Variants in SLCO4C1 observed in about 807,000 individuals in gnomAD.
SLCO4C1 encodes organic anion transporter M1.
In SLCO4C1, 58 loss-of-function variants were observed where a neutral mutation model predicts 72.1. The ratio of observed to expected loss-of-function variants is 0.80; its 90% CI spans 0.65 to 1.00. SLCO4C1 has a LOEUF of 1.00. Among genes scored for constraint, SLCO4C1 ranks in the 50% least tolerant of loss-of-function variants. The probability of loss-of-function intolerance (pLI) is 0.00; values close to 1 mark genes in which losing one functional copy is unlikely to be tolerated. For synonymous variants in SLCO4C1, 297 were observed against 312.5 expected (o/e 0.95, Z 0.52); for missense variants, 898 against 857.9 (o/e 1.05, Z -0.58).
intron 2 of SLCO4C1, among the ~76,000 whole-genome samples, chr5:102,284,550 T>C (rs767896769): frequency 2.0e-5 from 3 of 151,966 alleles, no homozygotes; most frequent in Non-Finnish European, 4.4e-5. Context: ...TCATCAACTC[T>C]ACATATCATA....
At chr5:102,258,218 C>A in intron 6 of SLCO4C1, 131 bp from the exon 7 acceptor site, 2 of 627,274 alleles carry the variant, frequency 3.2e-6, no homozygotes, top group Non-Finnish European at 5.1e-6. Context: ...TCCTCCAAAA[C>A]AAAAATATAA....
rs957872042 is a variant in SLCO4C1, at chr5:102,235,814, C to T, written c.*1044G>A. 2 of 152,256 alleles carry T rather than the reference C, an allele frequency of 1.3e-5. No homozygotes were observed. Among genetic ancestry groups the T allele is most frequent in the Non-Finnish European group, 2.9e-5 (2 of 68,062 alleles). 9.4% of individuals were successfully genotyped at this position (152,256 alleles called of 1,614,324 possible). A position where few individuals can be genotyped will look rare whatever the true frequency, so the allele number is the denominator to read the frequency against. On this transcript the variant is annotated 3_prime_UTR_variant, in exon 13 of 13. Transcript: ENST00000310954. ...CAGTTTCATCTCAAAACCATACCTT[C>T]TTCCCCCATGGAAAAATTGTCTTCC...
intron 3 of SLCO4C1, among the ~76,000 whole-genome samples, chr5:102,264,481 T>C (rs183528707): frequency 2.0e-3 from 298 of 152,150 alleles, no homozygotes; most frequent in Middle Eastern, 3.4e-3. Flanking sequence ...TCACTTTTTT[T>C]CCCCTTTTTT....
At chr5:102,255,238 C>T (rs1035251561) in intron 8 of SLCO4C1, among the ~76,000 whole-genome samples, 4 of 152,102 alleles carry the variant, frequency 2.6e-5, no homozygotes, top group African/African-American at 9.7e-5. Context: ...TGGCCAACCC[C>T]TACGTGAACC....
intron 11 of SLCO4C1, 71 bp from the exon 12 acceptor site, chr5:102,239,459 G>T: frequency 1.8e-6 from 2 of 1,081,432 alleles, no homozygotes; most frequent in South Asian, 2.7e-5. Context: ...TTTTATACAT[G>T]ATCATACATA....
At chr5:102,246,068 A>T in intron 10 of SLCO4C1, among the ~76,000 whole-genome samples, 1 of 151,948 alleles carries the variant, frequency 6.6e-6, no homozygotes, top group Non-Finnish European at 1.5e-5. Flanking sequence ...ATAGCTATAC[A>T]TCAAAAAAAA....
At chr5:102,247,169 G>T in intron 10 of SLCO4C1, 83 bp downstream of exon 10, 3 of 1,090,156 alleles carry the variant, frequency 2.8e-6, no homozygotes, top group Non-Finnish European at 3.8e-6. Flanking sequence ...TGGTCAATAT[G>T]AACCCCAAAT....
At chr5:102,295,653 A>G (rs1049119887) in intron 1 of SLCO4C1, among the ~76,000 whole-genome samples, 3 of 152,244 alleles carry the variant, frequency 2.0e-5, no homozygotes, top group African/African-American at 7.2e-5. Flanking sequence ...AACTGAGGTA[A>G]AACACAAAAG....
Position 102,289,431 on chromosome 5 carries a change from T to C in SLCO4C1, c.619+1912A>G, listed in dbSNP as rs541500444. Among the ~76,000 whole-genome samples the C allele has an allele frequency of 5.3e-4, 81 of 152,342 alleles. 1 individual carries two copies. Among genetic ancestry groups the C allele is most frequent in the South Asian group, 4.1e-4 (2 of 4,826 alleles). On this transcript the variant is annotated intron_variant, in intron 2 of 12. Transcript: ENST00000310954. ...ATTTACGTTTCAGTTTAGAGAGTCATAGATTTTCGAGCAAGGTTTGTTTAC... is the reference window on the plus strand; with the variant it reads ...ATTTACGTTTCAGTTTAGAGAGTCACAGATTTTCGAGCAAGGTTTGTTTAC...
intron 10 of SLCO4C1, among the ~76,000 whole-genome samples, chr5:102,242,562 T>C (rs1486028480): frequency 6.6e-6 from 1 of 152,112 alleles, no homozygotes; most frequent in African/African-American, 2.4e-5. Flanking sequence ...ATTTCAGGCC[T>C]TAGGTCCCAG....
intron 2 of SLCO4C1, among the ~76,000 whole-genome samples, chr5:102,281,337 A>C (rs574273553): frequency 6.6e-6 from 1 of 152,250 alleles, no homozygotes; most frequent in Admixed American, 6.5e-5. Flanking sequence ...AAAACTATAA[A>C]ACTTTTTTTA....
chr5:102,268,777 G>A (rs1241821283), intron 3 of SLCO4C1, among the ~76,000 whole-genome samples: 2 of 152,032 alleles, frequency 1.3e-5, no homozygotes, highest in Non-Finnish European at 2.9e-5. Context: ...GTTCAGGGTG[G>A]TAATTATTGT....
intron 2 of SLCO4C1, among the ~76,000 whole-genome samples, chr5:102,284,077 C>T (rs1409810375): frequency 1.3e-5 from 2 of 151,960 alleles, no homozygotes; most frequent in Non-Finnish European, 2.9e-5. Context: ...CCTCTAACAA[C>T]ATAATTTGTC....
In SLCO4C1 at chr5:102,261,211, G is replaced by A. The variant is rs959910458; in HGVS notation, c.1021+701C>T. ...ACAGATCACCTGAGGTCAGGAGTTC[G>A]AGACCAGCCTGGCCAACATGGCAAA... On this transcript the variant is annotated intron_variant, in intron 5 of 12. Transcript: ENST00000310954. 3.9e-5 allele frequency among the ~76,000 whole-genome samples: 6 copies of A among 152,220 alleles called. No individual in the cohort carries two copies. In the South Asian group the frequency reaches 8.3e-4, roughly 21 times the overall value.
Position 102,257,308 on chromosome 5 carries a change from C to A in SLCO4C1, c.1276G>T (p.Ala426Ser), listed in dbSNP as rs757625191. 25 of 1,580,548 alleles carry A rather than the reference C, an allele frequency of 1.6e-5. 1 individual carries two copies. The South Asian group carries it at 2.6e-4, about 16-fold the overall frequency. The change falls in exon 8 of 13, where the codon GCT becomes TCT. Residue 426 changes from alanine to serine, a missense_variant and splice_region_variant. Transcript: ENST00000310954. ...TSSFAATLGG[A>S]VLIPGAALGQ... ...AGAGCAGCTCCAGGAATTAAAACAG[C>A]CCCTAATAAGAAAAAAGAATGTAGA...
chr5:102,240,789 A>G lies in SLCO4C1; in HGVS notation c.1812-7T>C, dbSNP rs767596834. On this transcript the variant is annotated splice_polypyrimidine_tract_variant and splice_region_variant and intron_variant, in intron 10 of 12. Transcript: ENST00000310954. ...TTGTCTGTGATTAACACACCTGGAA[A>G]TATTAAATATATATGAGACCAAAAA... The G allele has an allele frequency of 6.2e-7, 1 of 1,605,776 alleles. No homozygotes were observed. The highest frequency in any genetic ancestry group is 2.2e-5 in the East Asian group (1 of 44,664).
At chr5:102,274,916 T>C (rs77321312) in intron 2 of SLCO4C1, among the ~76,000 whole-genome samples, 6,134 of 152,184 alleles carry the variant, frequency 0.04, 165 homozygotes, top group African/African-American at 0.079. Context: ...CTGGGGAATT[T>C]AGCTCAATCC....
At chr5:102,267,650 T>A (rs199531037) in intron 3 of SLCO4C1, among the ~76,000 whole-genome samples, 3 of 148,320 alleles carry the variant, frequency 2.0e-5, no homozygotes, top group African/African-American at 7.4e-5. Context: ...TTTCTTTCCT[T>A]CTAATTTTGG....
rs373521889 is a variant in SLCO4C1, at chr5:102,236,971, A to T, written c.2062T>A (p.Phe688Ile). The T allele has an allele frequency of 2.2e-5, 35 of 1,611,770 alleles. No homozygotes were observed. The highest frequency in any genetic ancestry group is 3.3e-4 in the Middle Eastern group (2 of 6,058). Residue 688 changes from phenylalanine (F) to isoleucine (I), a missense_variant, in exon 13 of 13, where the codon TTT becomes ATT. By Grantham distance (21) the Phe-to-Ile change is conservative (BLOSUM62 0). Coordinates refer to ENST00000310954, the MANE Select transcript of SLCO4C1 (RefSeq NM_180991.5). The part of the protein sequence containing the change: ...ITMFFNGFAI[F>I]LYKPPPSATD... ...GCTGATGGAGGTGGTTTATACAAAA[A>T]GATTGCAAATCCATTGAAGAACATG...
Sources: allele counts gnomAD v4.1 joint callset (sites outside exome capture counted in the v4.1 genomes callset), GRCh38; gene constraint gnomAD v4.1.1; transcripts MANE v1.5; gene names NCBI Gene and HGNC (gene_info 2026-07-23, HGNC 2026-07-21).